ADAM22: variants seen among roughly 807,000 people sequenced by gnomAD.
The protein encoded by ADAM22 is disintegrin and metalloproteinase domain-containing protein 22.
A neutral mutation model predicts 144.6 loss-of-function variants in ADAM22; 65 were observed. That is an observed-to-expected ratio of 0.45 (90% CI 0.37 to 0.55). ADAM22 has a LOEUF of 0.55. Ranked by LOEUF, ADAM22 falls within the 20% of genes least tolerant of loss-of-function variation. The pLI is 0.00. For synonymous variants in ADAM22, 391 were observed against 412.6 expected (o/e 0.95, Z 0.63); for missense variants, 974 against 1,184.9 (o/e 0.82, Z 2.61).
intron 2 of ADAM22, among the ~76,000 whole-genome samples, chr7:87,957,773 G>A (rs1206269737): frequency 6.6e-6 from 1 of 152,014 alleles, no homozygotes; most frequent in East Asian, 1.9e-4. Context: ...TAGTAGAAAC[G>A]GGGTTTCACC....
At chr7:88,079,325 C>T (rs934368732) in intron 4 of ADAM22, among the ~76,000 whole-genome samples, 3 of 152,100 alleles carry the variant, frequency 2.0e-5, no homozygotes, top group African/African-American at 7.2e-5. Flanking sequence ...CAGGCCTGCC[C>T]TACAAGAGCT....
At chr7:88,128,504 G>A in intron 8 of ADAM22, 98 bp from the exon 9 acceptor site, 1 of 966,868 alleles carries the variant, frequency 1.0e-6, no homozygotes, top group South Asian at 1.4e-5. Context: ...GAATAAAAAG[G>A]GAAAATTTTG....
At chr7:88,125,720 G>T in intron 8 of ADAM22, 61 bp downstream of exon 8, 1 of 1,349,706 alleles carries the variant, frequency 7.4e-7, no homozygotes, top group South Asian at 1.4e-5. Context: ...CCAGTCATTT[G>T]AATCTACAGT....
chr7:87,935,008 C>G lies in ADAM22; in HGVS notation c.86-18C>G, dbSNP rs767389497. The G allele has an allele frequency of 6.2e-6, 10 of 1,614,020 alleles. No homozygotes were observed. Among genetic ancestry groups the G allele is most frequent in the Admixed American group, 5.0e-5 (3 of 60,004 alleles). On this transcript the variant is annotated intron_variant, in intron 1 of 31. Coordinates refer to ENST00000413139, the MANE Select transcript of ADAM22 (RefSeq NM_001324418.2). ...GCCTTTTCTCTCCACTCCCTCCTTT[C>G]CCGGTTCCTGCCTGGAGGAGACGCC...
intron 3 of ADAM22, 24 bp from the exon 4 acceptor site, chr7:88,075,602 C>A: frequency 6.2e-7 from 1 of 1,605,852 alleles, no homozygotes; most frequent in Non-Finnish European, 8.5e-7. Flanking sequence ...CCTCTTTAGT[C>A]ATCATTTATT....
chr7:88,079,369 C>G (rs1385266215), intron 4 of ADAM22, among the ~76,000 whole-genome samples: 2 of 152,196 alleles, frequency 1.3e-5, no homozygotes, highest in Non-Finnish European at 2.9e-5. Context: ...AAAGGAACAA[C>G]CGGTACCAGC....
intron 3 of ADAM22, among the ~76,000 whole-genome samples, chr7:88,013,854 A>G (rs1476023925): frequency 6.6e-6 from 1 of 152,248 alleles, no homozygotes; most frequent in Admixed American, 6.5e-5. Flanking sequence ...GTTGATGATG[A>G]GAGCGATTTG....
chr7:88,095,467 C>T (rs865847658), intron 4 of ADAM22, among the ~76,000 whole-genome samples: 2 of 152,066 alleles, frequency 1.3e-5, no homozygotes, highest in African/African-American at 2.4e-5. Flanking sequence ...GGTCTGGGAA[C>T]GCATATTATT....
At chr7:88,031,090 T>C (rs1175861732) in intron 3 of ADAM22, among the ~76,000 whole-genome samples, 1 of 151,978 alleles carries the variant, frequency 6.6e-6, no homozygotes, top group Non-Finnish European at 1.5e-5. Context: ...CACTCCAGCC[T>C]GGGCGACAGA....
intron 3 of ADAM22, among the ~76,000 whole-genome samples, chr7:88,053,161 GACAC>G (rs1381674488): frequency 1.3e-5 from 2 of 152,170 alleles, no homozygotes; most frequent in African/African-American, 4.8e-5. Flanking sequence ...CAGACACACA[GACAC>G]ACATACTTAC....
At chr7:88,146,811 T>C (rs1190777891) in intron 17 of ADAM22, among the ~76,000 whole-genome samples, 1 of 152,240 alleles carries the variant, frequency 6.6e-6, no homozygotes, top group Non-Finnish European at 1.5e-5. Flanking sequence ...CAGTTTCTGT[T>C]GTTTCCACTC....
intron 3 of ADAM22, among the ~76,000 whole-genome samples, chr7:88,040,062 A>T (rs1802725540): frequency 6.6e-6 from 1 of 151,882 alleles, no homozygotes; most frequent in Non-Finnish European, 1.5e-5. Context: ...CCACACCACC[A>T]GTTCCTATTG....
At chr7:88,014,464 T>C (rs550451349) in intron 3 of ADAM22, among the ~76,000 whole-genome samples, 1 of 152,222 alleles carries the variant, frequency 6.6e-6, no homozygotes, top group East Asian at 1.9e-4. Context: ...TACTTTTGAC[T>C]GGGTGAAGTG....
intron 18 of ADAM22, 31 bp downstream of exon 18, chr7:88,149,088 A>G: frequency 6.4e-7 from 1 of 1,567,372 alleles, no homozygotes. Flanking sequence ...TCTAAAACTT[A>G]TGGGAAAAAG....
chr7:88,081,543 G>A (rs889591605), intron 4 of ADAM22, among the ~76,000 whole-genome samples: 1 of 151,896 alleles, frequency 6.6e-6, no homozygotes, highest in Admixed American at 6.6e-5. Flanking sequence ...AAAAGAGGAA[G>A]TCAAATTGTC....
intron 3 of ADAM22, among the ~76,000 whole-genome samples, chr7:88,014,129 A>G (rs1242270528): frequency 1.3e-5 from 2 of 152,164 alleles, no homozygotes; most frequent in Non-Finnish European, 2.9e-5. Flanking sequence ...ATCATCCCGT[A>G]TCTATCTAGT....
rs142381450 is a variant in ADAM22 at position 87,980,913 on chromosome 7, A to G, written c.323+2501A>G. 2.5e-3 allele frequency among the ~76,000 whole-genome samples: 380 copies of G among 152,272 alleles called. 2 individuals carry two copies. Among genetic ancestry groups the G allele is most frequent in the African/African-American group, 8.7e-3 (363 of 41,532 alleles). ...GAAACATATGGCCTGGTCTGGCCAC[A>G]CTAGTCCTAGGCTGCATTGGACCTT... On this transcript the variant is annotated intron_variant, in intron 3 of 31. Coordinates refer to ENST00000413139, the MANE Select transcript of ADAM22 (RefSeq NM_001324418.2).
chr7:88,192,191 C>G (rs1347553653), intron 30 of ADAM22, among the ~76,000 whole-genome samples: 1 of 152,054 alleles, frequency 6.6e-6, no homozygotes, highest in Admixed American at 6.6e-5. Flanking sequence ...GTAACCAGTT[C>G]AATGTGGGTT....
rs368020037 is a variant in ADAM22, at chr7:88,149,012, A to G, written c.1521A>G (p.Val507=). ...TGGGCACTGTGTGCCGAGAAGCAGTAAATGATTGTGATATTCGTGAAACGT... is the reference window on the plus strand; with the variant it reads ...TGGGCACTGTGTGCCGAGAAGCAGTGAATGATTGTGATATTCGTGAAACGT... ...QPMGTVCREA[V]NDCDIRETCS... is the part of the protein sequence containing the mutation. The change falls in exon 18 of 32, where the codon GTA becomes GTG. Residue 507 remains valine, a synonymous_variant. Transcript: ENST00000413139. 1 of 1,612,492 alleles carries G rather than the reference A, an allele frequency of 6.2e-7. No homozygotes were observed.
Sources: gnomAD v4.1 joint callset for allele counts (sites outside exome capture counted in the v4.1 genomes callset) on GRCh38, gnomAD v4.1.1 for gene constraint, MANE v1.5 for transcripts, NCBI Gene and HGNC (gene_info 2026-07-23, HGNC 2026-07-21) for gene names.